The following ICA1 variants were observed in gnomAD, a reference collection of about 807,000 sequenced individuals.
ICA1 encodes the protein 69 kDa islet cell autoantigen.
A neutral mutation model predicts 71.0 loss-of-function variants in ICA1; 40 were observed. The observed-to-expected ratio is 0.56, with a 90% confidence interval of 0.44 to 0.73. The LOEUF (loss-of-function observed/expected upper bound fraction) is 0.73, where lower values mean the gene tolerates loss of function less well. ICA1 is among the 30% of genes least tolerant of loss of function. The pLI is 0.00. For synonymous variants in ICA1, 207 were observed against 209.5 expected, an observed-to-expected ratio of 0.99 and a Z score of 0.10; for missense variants, 578 against 576.5, an observed-to-expected ratio of 1.00 and a Z score of -0.03.
Position 8,127,885 on chromosome 7 carries a change from C to G in ICA1, c.1318G>C (p.Ala440Pro), listed in dbSNP as rs1258770440. The G allele has an allele frequency of 2.5e-6, 4 of 1,613,614 alleles. No individual in the cohort carries two copies. Among genetic ancestry groups the G allele is most frequent in the South Asian group, 1.1e-5 (1 of 91,034 alleles). Reference sequence around the variant, plus strand: ...CCACCTTACCTACCTTGTAGCGAGGCCTGTAAGTCTTTCATATTTTGGTCT... The same window carrying G: ...CCACCTTACCTACCTTGTAGCGAGGGCTGTAAGTCTTTCATATTTTGGTCT... Reference protein sequence around the residue: ...LLDQNMKDLQASLQEPAKAAS... With the variant: ...LLDQNMKDLQPSLQEPAKAAS... Residue 440 changes from alanine (A) to proline (P), a missense_variant, in exon 13 of 14, where the codon GCC (alanine) becomes CCC (proline). Physicochemically the swap from Ala to Pro is conservative, Grantham distance 27 (BLOSUM62 -1). Transcript: ENST00000402384.
intron 6 of ICA1, among the ~76,000 whole-genome samples, chr7:8,203,511 C>T (rs947478909): frequency 6.6e-6 from 1 of 152,052 alleles, no homozygotes; most frequent in Non-Finnish European, 1.5e-5. Flanking sequence ...ATCTATGGAT[C>T]CCAGAAAAGG....
chr7:8,254,740 G>T (rs1302158340), intron 1 of ICA1, among the ~76,000 whole-genome samples: 1 of 151,892 alleles, frequency 6.6e-6, no homozygotes, highest in East Asian at 1.9e-4. Flanking sequence ...AGAGAAGAGA[G>T]AAACAGGAAG....
chr7:8,192,380 C>T (rs1274654856), intron 6 of ICA1, among the ~76,000 whole-genome samples: 1 of 152,162 alleles, frequency 6.6e-6, no homozygotes, highest in Non-Finnish European at 1.5e-5. Context: ...TAAGGTTATA[C>T]ACCTCTAACA....
rs368627931 is a variant in ICA1, at chr7:8,191,605, C to T, written c.579+26700G>A. On this transcript the variant is annotated intron_variant, in intron 6 of 13. Coordinates refer to ENST00000402384, the MANE Select transcript of ICA1 (RefSeq NM_001136020.3). ...AGGTTTGGTGTATTAAATGCATTTC[C>T]GATTAGGATATTTTCAACTTGATGG... Among the ~76,000 whole-genome samples the T allele has an allele frequency of 1.7e-4, 26 of 152,096 alleles. No homozygotes were observed. In the East Asian group the frequency reaches 2.7e-3, roughly 16 times the overall value.
At chr7:8,170,585 C>T (rs74768645) in intron 6 of ICA1, among the ~76,000 whole-genome samples, 5,000 of 151,972 alleles carry the variant, frequency 0.033, 116 homozygotes, top group Non-Finnish European at 0.054. Flanking sequence ...TATTTTGATG[C>T]TATTATAATT....
intron 1 of ICA1, among the ~76,000 whole-genome samples, chr7:8,245,309 G>A (rs929475452): frequency 3.5e-4 from 53 of 150,420 alleles, no homozygotes; most frequent in African/African-American, 1.3e-3. Context: ...CTATCACAAG[G>A]ACAGAAATCC....
At chr7:8,175,266 G>A (rs555528797) in intron 6 of ICA1, among the ~76,000 whole-genome samples, 2 of 152,146 alleles carry the variant, frequency 1.3e-5, no homozygotes, top group South Asian at 4.2e-4. Flanking sequence ...GAAAAAGAGG[G>A]AAGAATCTGT....
At chr7:8,189,148 A>G (rs941918121) in intron 6 of ICA1, among the ~76,000 whole-genome samples, 3 of 152,300 alleles carry the variant, frequency 2.0e-5, no homozygotes, top group East Asian at 1.9e-4. Context: ...TGTCTCCCCA[A>G]GTAAACACTG....
chr7:8,142,828 C>G (rs1267875446), intron 9 of ICA1, among the ~76,000 whole-genome samples: 2 of 152,208 alleles, frequency 1.3e-5, no homozygotes, highest in Non-Finnish European at 2.9e-5. Flanking sequence ...AACTGGTTCA[C>G]CATAAAATAG....
rs1402241366 is a variant in ICA1 at position 8,223,785 on chromosome 7, C to T, written c.257-2387G>A. 2.0e-5 allele frequency among the ~76,000 whole-genome samples: 3 copies of T among 151,590 alleles called. No individual in the cohort carries two copies. The highest frequency in any genetic ancestry group is 2.0e-4 in the Admixed American group (3 of 15,222). ...CTCTATTACAAGAAGAAAGCAAAAA[C>T]AAAAAAAGATAACTCAAAATGTTCT... On this transcript the variant is annotated intron_variant, in intron 4 of 13. Transcript: ENST00000402384. The surrounding 1 kb of genome is among the most constrained non-coding windows in gnomAD (Gnocchi z 4.1).
At chr7:8,241,598 C>A (rs1256669003) in intron 1 of ICA1, among the ~76,000 whole-genome samples, 3 of 152,092 alleles carry the variant, frequency 2.0e-5, no homozygotes, top group East Asian at 1.9e-4. Context: ...CTAAATGCCC[C>A]AATTAAAAGA....
chr7:8,215,171 G>A (rs748759112), intron 6 of ICA1, among the ~76,000 whole-genome samples: 2 of 152,048 alleles, frequency 1.3e-5, no homozygotes, highest in Admixed American at 1.3e-4. Flanking sequence ...CCCTTAGAGC[G>A]GTGTCTTTTC....
intron 4 of ICA1, among the ~76,000 whole-genome samples, chr7:8,225,842 T>C (rs113518390): frequency 6.6e-6 from 1 of 152,184 alleles, no homozygotes; most frequent in Non-Finnish European, 1.5e-5. Context: ...ATCTGCAATA[T>C]CTTATCTATT....
intron 8 of ICA1, among the ~76,000 whole-genome samples, chr7:8,151,556 G>C (rs1798810819): frequency 6.6e-6 from 1 of 152,196 alleles, no homozygotes; most frequent in Non-Finnish European, 1.5e-5. Context: ...GGATATCCTG[G>C]ATGCTCGCCA....
rs1795538952 is a variant in ICA1 at position 8,142,370 on chromosome 7, G to A, written c.903-553C>T. Among the ~76,000 whole-genome samples the A allele has an allele frequency of 2.6e-5, 4 of 152,166 alleles. No individual in the cohort carries two copies. The South Asian group carries it at 8.3e-4, about 32-fold the overall frequency. On this transcript the variant is annotated intron_variant, in intron 9 of 13. Coordinates refer to ENST00000402384, the MANE Select transcript of ICA1 (RefSeq NM_001136020.3). ...CTAGCACCGTGATGCACCTTTGTCTGCTATTTCTAAACAAAATTCACGTTC... is the reference window on the plus strand; with the variant it reads ...CTAGCACCGTGATGCACCTTTGTCTACTATTTCTAAACAAAATTCACGTTC...
At chr7:8,211,192 T>C (rs1201560288) in intron 6 of ICA1, among the ~76,000 whole-genome samples, 1 of 152,178 alleles carries the variant, frequency 6.6e-6, no homozygotes, top group East Asian at 1.9e-4. Context: ...ACTTAGCATA[T>C]GTGTTTTGCT....
In ICA1 at chr7:8,153,487, T is replaced by C. The variant is rs553972310; in HGVS notation, c.804+3629A>G. ...ATTTTCCAGGGAAAAGCCACTCTAC[T>C]TATGAGGTCTTTTTTTTTCCCCCTT... is the stretch of plus-strand genomic sequence containing the variant. On this transcript the variant is annotated intron_variant, in intron 8 of 13. Transcript: ENST00000402384. 2.8e-4 allele frequency among the ~76,000 whole-genome samples: 43 copies of C among 152,222 alleles called. No homozygotes were observed. In the South Asian group the frequency reaches 8.1e-3, roughly 29 times the overall value.
At chr7:8,143,271 T>C (rs1795823058) in intron 9 of ICA1, among the ~76,000 whole-genome samples, 1 of 152,176 alleles carries the variant, frequency 6.6e-6, no homozygotes, top group Non-Finnish European at 1.5e-5. Context: ...GTATTTAAAA[T>C]GACAAGAGGC....
At position 8,130,313 on chromosome 7, in the gene ICA1, T is replaced by G. The variant is rs1396844845; in HGVS notation, c.1061-2171A>C. Among the ~76,000 whole-genome samples the G allele has an allele frequency of 6.6e-6, 1 of 152,078 alleles. No individual in the cohort carries two copies. Among genetic ancestry groups the G allele is most frequent in the African/African-American group, 2.4e-5 (1 of 41,338 alleles). On this transcript the variant is annotated intron_variant, in intron 12 of 13. Coordinates refer to ENST00000402384, the MANE Select transcript of ICA1 (RefSeq NM_001136020.3). This position sits in a 1 kb window ranked among gnomAD's most constrained non-coding sequence, Gnocchi z 4.2. ...CTGCACATGGTGGGCGAGGCAGGAC[T>G]GTAAGGTCAGGCAGGTGGCCCACCT...
Sources: gnomAD v4.1 joint callset for allele counts (sites outside exome capture counted in the v4.1 genomes callset) on GRCh38, gnomAD v4.1.1 for gene constraint, Gnocchi (gnomAD v3.1) non-coding constraint, MANE v1.5 for transcripts, NCBI Gene and HGNC (gene_info 2026-07-23, HGNC 2026-07-21) for gene names.